The following CADM2 variants were observed in gnomAD, a reference collection of about 807,000 sequenced individuals.
CADM2 encodes the protein cell adhesion molecule 2, also known as immunoglobulin superfamily member 4D.
In CADM2, 12 loss-of-function variants were observed where a neutral mutation model predicts 49.8. The observed-to-expected ratio is 0.24, with a 90% confidence interval of 0.15 to 0.39. The LOEUF (loss-of-function observed/expected upper bound fraction) is 0.39, where lower values mean the gene tolerates loss of function less well. Ranked by LOEUF, CADM2 falls within the 10% of genes least tolerant of loss-of-function variation. The probability of loss-of-function intolerance (pLI) is 1.00; values close to 1 mark genes in which losing one functional copy is unlikely to be tolerated. For missense variants in CADM2, 378 were observed against 492.3 expected, an observed-to-expected ratio of 0.77 and a Z score of 2.20; for synonymous variants, 214 against 175.4, an observed-to-expected ratio of 1.22 and a Z score of -1.74.
intron 1 of CADM2, among the ~76,000 whole-genome samples, chr3:85,147,044 G>A (rs1292032520): frequency 2.6e-5 from 4 of 151,918 alleles, no homozygotes; most frequent in Non-Finnish European, 4.4e-5. Flanking sequence ...AGGCCGACAC[G>A]GGCGGATCAC....
intron 1 of CADM2, among the ~76,000 whole-genome samples, chr3:85,521,072 G>A (rs1049550669): frequency 3.3e-5 from 5 of 152,040 alleles, no homozygotes; most frequent in Admixed American, 3.3e-4. Flanking sequence ...AAATTATTCA[G>A]TGATCTACTT....
At chr3:84,979,679 T>A (rs1010525700) in intron 1 of CADM2, among the ~76,000 whole-genome samples, 18 of 152,178 alleles carry the variant, frequency 1.2e-4, no homozygotes, top group South Asian at 4.1e-4. Context: ...CTGTTTTTTT[T>A]ATATCCATAG....
chr3:85,252,020 T>G (rs977694294), intron 1 of CADM2, among the ~76,000 whole-genome samples: 1 of 151,962 alleles, frequency 6.6e-6, no homozygotes, highest in Admixed American at 6.6e-5. Flanking sequence ...GCATTTTCAA[T>G]TCCCTTGCCA....
rs571549352 is a variant in CADM2 at position 85,156,278 on chromosome 3, C to A, written c.61+196610C>A. The stretch of plus-strand genomic sequence containing the variant: ...AAGAATCAAATAGACGCAATAAAAA[C>A]TGATAAAGGGGATATCACCACCGAT... On this transcript the variant is annotated intron_variant, in intron 1 of 9. Transcript: ENST00000383699. 2.0e-5 allele frequency among the ~76,000 whole-genome samples: 3 copies of A among 151,844 alleles called. No homozygotes were observed. In the East Asian group the frequency reaches 5.8e-4, roughly 29 times the overall value.
chr3:85,576,956 T>A (rs1036028351), intron 1 of CADM2, among the ~76,000 whole-genome samples: 4 of 151,932 alleles, frequency 2.6e-5, no homozygotes, highest in Non-Finnish European at 2.9e-5. Flanking sequence ...AGAACACAAA[T>A]GGGGACAAGA....
chr3:85,695,555 C>CATAT lies in CADM2; in HGVS notation c.62-30957_62-30954dup, dbSNP rs57737276. Among the ~76,000 whole-genome samples the CATAT allele has an allele frequency of 3.0e-3, 458 of 150,994 alleles. 1 individual carries two copies. Among genetic ancestry groups the CATAT allele is most frequent in the African/African-American group, 0.011 (441 of 41,102 alleles). On this transcript the variant is annotated intron_variant, in intron 1 of 9. Coordinates refer to ENST00000383699, the MANE Select transcript of CADM2 (RefSeq NM_001167675.2). ...TTCATTTTAATTGTTAAGTAATATT[C>CATAT]ATATATATATATACACATATATATA...
At chr3:85,305,840 G>A (rs747217787) in intron 1 of CADM2, among the ~76,000 whole-genome samples, 2 of 151,474 alleles carry the variant, frequency 1.3e-5, no homozygotes, top group African/African-American at 2.4e-5. Context: ...CAAGTTAACA[G>A]ATCTAAAACA....
chr3:85,886,044 C>A, intron 4 of CADM2, 146 bp from the exon 5 acceptor site: 3 of 1,157,052 alleles, frequency 2.6e-6, no homozygotes, highest in Non-Finnish European at 3.6e-6. Context: ...ACATATGAAG[C>A]AGTTTATTAC....
At chr3:85,500,760 G>A (rs150318741) in intron 1 of CADM2, among the ~76,000 whole-genome samples, 113 of 152,074 alleles carry the variant, frequency 7.4e-4, no homozygotes, top group Middle Eastern at 3.4e-3. Flanking sequence ...CTCGTGATCC[G>A]CTTGCCTCGG....
chr3:85,935,849 A>G lies in CADM2; in HGVS notation c.783A>G (p.Gly261=). Residue 261 remains glycine (G), a synonymous_variant, in exon 7 of 10, where the codon GGA becomes GGG. Transcript: ENST00000383699. ...TAATTTTGACTTGTGAATCCAAAGG[A>G]AAACCACTGTAAGTGAGTTAATGAG... ...QPLILTCESK[G]KPLPEPVLWT... 2 of 1,591,684 alleles carry G rather than the reference A, an allele frequency of 1.3e-6. No individual in the cohort carries two copies. The highest frequency in any genetic ancestry group is 1.7e-6 in the Non-Finnish European group (2 of 1,162,860).
chr3:85,871,389 T>TGAA (rs1376807216), intron 3 of CADM2, among the ~76,000 whole-genome samples: 19 of 152,272 alleles, frequency 1.2e-4, no homozygotes, highest in African/African-American at 4.3e-4. Context: ...ATTCACAGTT[T>TGAA]TTCTAACAGA....
At chr3:85,317,469 C>T (rs1201862885) in intron 1 of CADM2, among the ~76,000 whole-genome samples, 3 of 152,078 alleles carry the variant, frequency 2.0e-5, no homozygotes, top group Non-Finnish European at 4.4e-5. Context: ...AATGAAATAC[C>T]TGACACTGGA....
intron 1 of CADM2, among the ~76,000 whole-genome samples, chr3:85,582,087 A>G (rs1232958926): frequency 6.6e-6 from 1 of 151,944 alleles, no homozygotes; most frequent in East Asian, 1.9e-4. Context: ...CACCAAGTCC[A>G]GCTAATTTTT....
chr3:85,223,549 A>G (rs758949564), intron 1 of CADM2, among the ~76,000 whole-genome samples: 5 of 152,140 alleles, frequency 3.3e-5, no homozygotes, highest in Non-Finnish European at 7.4e-5. Flanking sequence ...AATGTAAACT[A>G]TGTGTGTATT....
intron 1 of CADM2, among the ~76,000 whole-genome samples, chr3:85,079,236 C>T (rs1208018996): frequency 6.6e-6 from 1 of 151,518 alleles, no homozygotes; most frequent in African/African-American, 2.4e-5. Flanking sequence ...TTAAGCAATG[C>T]CAATGCACAT....
intron 1 of CADM2, among the ~76,000 whole-genome samples, chr3:85,497,014 T>C (rs916259189): frequency 9.0e-6 from 1 of 110,842 alleles, no homozygotes; most frequent in African/African-American, 2.8e-5. Flanking sequence ...CAGCTAATTT[T>C]TGTATTTTTA....
At chr3:85,419,698 C>A (rs2036081232) in intron 1 of CADM2, among the ~76,000 whole-genome samples, 1 of 152,028 alleles carries the variant, frequency 6.6e-6, no homozygotes, top group African/African-American at 2.4e-5. Flanking sequence ...CCTTATTTTT[C>A]ATATGTATTG....
intron 3 of CADM2, among the ~76,000 whole-genome samples, chr3:85,837,589 A>T (rs566705340): frequency 6.6e-6 from 1 of 151,638 alleles, no homozygotes; most frequent in East Asian, 2.0e-4. Flanking sequence ...CATTCTTTGG[A>T]ACTGACTGAC....
At chr3:85,071,852 G>A (rs372314985) in intron 1 of CADM2, among the ~76,000 whole-genome samples, 1 of 151,718 alleles carries the variant, frequency 6.6e-6, no homozygotes, top group East Asian at 1.9e-4. Flanking sequence ...TTTGTATGAA[G>A]CAAAAACATG....
Sources: gnomAD v4.1 joint callset for allele counts (sites outside exome capture counted in the v4.1 genomes callset) on GRCh38, gnomAD v4.1.1 for gene constraint, MANE v1.5 for transcripts, NCBI Gene and HGNC (gene_info 2026-07-23, HGNC 2026-07-21) for gene names.